Variants in DMD observed in about 807,000 individuals in gnomAD.
DMD encodes dystrophin.
In DMD, 63 loss-of-function variants were observed where a neutral mutation model predicts 330.1. The ratio of observed to expected loss-of-function variants is 0.19; its 90% confidence interval spans 0.16 to 0.24. The LOEUF (loss-of-function observed/expected upper bound fraction) is 0.24. Ranked by LOEUF, DMD falls within the 10% of genes least tolerant of loss-of-function variation. DMD has a pLI of 1.00. For missense variants in DMD, 3,344 were observed against 2,684.1 expected (o/e 1.25, Z -5.43); for synonymous variants, 1,223 against 959.8 (o/e 1.27, Z -5.07).
intron 44 of DMD, among the ~76,000 whole-genome samples, chrX:32,158,896 A>T (rs1032505064): frequency 2.7e-5 from 3 of 111,990 alleles, no homozygotes; most frequent in African/African-American, 9.7e-5. Context: ...CCTATTACAG[A>T]TAACTCTTGG....
At chrX:33,167,928 A>G (rs1207661079) in intron 1 of DMD, among the ~76,000 whole-genome samples, 1 of 111,306 alleles carries the variant, frequency 9.0e-6, no homozygotes, top group Non-Finnish European at 1.9e-5. Flanking sequence ...AAATGAGTTA[A>G]TATTTATAAA....
chrX:33,333,277 A>G (rs1187207100), intron 1 of DMD, among the ~76,000 whole-genome samples: 1 of 111,608 alleles, frequency 9.0e-6, no homozygotes, highest in African/African-American at 3.2e-5. Context: ...ATTCAGAGAT[A>G]TATTAAGAGC....
chrX:31,488,777 T>A (rs1357046661), intron 57 of DMD, among the ~76,000 whole-genome samples: 1 of 111,997 alleles, frequency 8.9e-6, no homozygotes, highest in Non-Finnish European at 1.9e-5. Flanking sequence ...TCAGTTTCGC[T>A]CTTTTTATAG....
intron 53 of DMD, among the ~76,000 whole-genome samples, chrX:31,666,398 A>G (rs182492835): frequency 8.9e-6 from 1 of 112,074 alleles, no homozygotes; most frequent in East Asian, 2.8e-4. Flanking sequence ...CGAGTGACTA[A>G]GCTAAGTAGA....
At position 31,673,002 on chromosome X, in the gene DMD, G is replaced by A. The variant is rs780281367; in HGVS notation, c.7872+6373C>T. On this transcript the variant is annotated intron_variant, in intron 53 of 78. Coordinates refer to ENST00000357033, the MANE Select transcript of DMD (RefSeq NM_004006.3). ...TTTCCTAGAAAGTTATCTCTAAGTC[G>A]GGCCAAATAAAGGCAAGGCCATGTA... Among the ~76,000 whole-genome samples the A allele has an allele frequency of 2.9e-4, 33 of 112,354 alleles. No homozygotes were observed. In the South Asian group the frequency reaches 4.8e-3, roughly 16 times the overall value.
chrX:32,206,350 A>G lies in DMD; in HGVS notation c.6438+10566T>C, dbSNP rs1309321067. The G allele has an allele frequency of 1.5e-5, 8 of 521,552 alleles. No individual in the cohort carries two copies. The African/African-American group carries it at 1.8e-4, about 12-fold the overall frequency. The allele number at this position is 521,552 out of a possible 1,213,427, so 43.0% of individuals were successfully genotyped here. On this transcript the variant is annotated intron_variant, in intron 44 of 78. Coordinates refer to ENST00000357033, the MANE Select transcript of DMD (RefSeq NM_004006.3). ...GGTGGTAGCAAGGTTCCACAGAAAAAAGTAAAACTTGCTGCTGATGAAGAT... is the reference window on the plus strand; with the variant it reads ...GGTGGTAGCAAGGTTCCACAGAAAAGAGTAAAACTTGCTGCTGATGAAGAT...
At chrX:31,248,880 C>G (rs2049078288) in intron 63 of DMD, among the ~76,000 whole-genome samples, 1 of 111,405 alleles carries the variant, frequency 9.0e-6, no homozygotes, top group African/African-American at 3.3e-5. Context: ...TCCCAGCTGG[C>G]CAAAGGTTCC....
chrX:32,617,873 T>C (rs2149365362), intron 11 of DMD, among the ~76,000 whole-genome samples: 1 of 111,724 alleles, frequency 9.0e-6, no homozygotes, highest in East Asian at 2.8e-4. Flanking sequence ...ACCAACTCCA[T>C]AGCAAGAAAA....
intron 21 of DMD, among the ~76,000 whole-genome samples, chrX:32,476,780 C>A (rs1392576036): frequency 1.8e-5 from 2 of 111,743 alleles, no homozygotes; most frequent in Non-Finnish European, 3.8e-5. Context: ...GCCCCACCTA[C>A]TAGCTGGTGA....
intron 32 of DMD, 25 bp downstream of exon 32, chrX:32,389,476 C>A (rs200409477): frequency 1.3e-5 from 16 of 1,204,044 alleles, no homozygotes; most frequent in Non-Finnish European, 1.8e-5. Context: ...GGGGTACCTG[C>A]GTATTTGCCA....
At chrX:32,027,183 C>CACACACACACACACACACACAG (rs774715155) in intron 44 of DMD, among the ~76,000 whole-genome samples, 3 of 97,524 alleles carry the variant, frequency 3.1e-5, no homozygotes, top group Non-Finnish European at 4.1e-5. Context: ...CACACACACA[C>CACACACACACACACACACACAG]AGAGAGAGAG....
chrX:32,469,387 GAAC>G (rs1022853167), intron 22 of DMD, among the ~76,000 whole-genome samples: 9 of 109,446 alleles, frequency 8.2e-5, no homozygotes, highest in East Asian at 2.9e-4. Context: ...AAAAAAACCA[GAAC>G]TACTAGTACT....
Position 31,522,325 on chromosome X carries a change from TTCTC to T in DMD, c.8218-14876_8218-14873del, listed in dbSNP as rs1193302041. ...AGAGACAGAGTGGTAAGATCAAAAT[TTCTC>T]TCTCTCTCTCTCTCTCTCTCTCTCT... On this transcript the variant is annotated intron_variant, in intron 55 of 78. Transcript: ENST00000357033. 2.8e-3 allele frequency among the ~76,000 whole-genome samples: 142 copies of T among 51,315 alleles called. 1 individual carries two copies. The highest frequency in any genetic ancestry group is 0.013 in the South Asian group (9 of 678). The allele number at this position is 51,315 out of a possible 115,157, so 44.6% of individuals were successfully genotyped here.
At chrX:32,776,207 C>G (rs1360152223) in intron 7 of DMD, among the ~76,000 whole-genome samples, 1 of 110,850 alleles carries the variant, frequency 9.0e-6, no homozygotes, top group East Asian at 2.9e-4. Flanking sequence ...GTATCACTAT[C>G]AACATTGTGG....
chrX:33,107,936 A>C (rs747466329), intron 1 of DMD, among the ~76,000 whole-genome samples: 4 of 111,539 alleles, frequency 3.6e-5, no homozygotes, highest in Non-Finnish European at 7.5e-5. Flanking sequence ...TTCTACTGAT[A>C]GATTATGACT....
chrX:31,759,391 C>T (rs1427454972), intron 51 of DMD, among the ~76,000 whole-genome samples: 1 of 110,679 alleles, frequency 9.0e-6, no homozygotes, highest in Non-Finnish European at 1.9e-5. Context: ...TTATAAAATC[C>T]ATTCTATTTC....
At position 31,656,998 on chromosome X, in the gene DMD, T is replaced by C. The variant is rs2080822145; in HGVS notation, c.8027+992A>G. On this transcript the variant is annotated intron_variant, in intron 54 of 78. Transcript: ENST00000357033. The stretch of plus-strand genomic sequence containing the variant: ...CAGTTTCAAAATTTAGTTGGCCGCT[T>C]AATTTCCATATATCATTATCTCATT... Among the ~76,000 whole-genome samples the C allele has an allele frequency of 3.6e-5, 4 of 111,833 alleles. No homozygotes were observed. In the South Asian group the frequency reaches 1.5e-3, roughly 41 times the overall value.
chrX:33,060,939 GTT>G (rs1659904851), intron 1 of DMD, among the ~76,000 whole-genome samples: 1 of 111,274 alleles, frequency 9.0e-6, no homozygotes, highest in Non-Finnish European at 1.9e-5. Context: ...GTTAAACTAA[GTT>G]AAACAATTTT....
Position 32,283,101 on chromosome X carries a change from A to G in DMD, c.6290+4428T>C, listed in dbSNP as rs183981785. Among the ~76,000 whole-genome samples, 693 of 111,670 alleles carry G rather than the reference A, an allele frequency of 6.2e-3. 5 individuals carry two copies. The highest frequency in any genetic ancestry group is 0.012 in the Admixed American group (128 of 10,474). On this transcript the variant is annotated intron_variant, in intron 43 of 78. Coordinates refer to ENST00000357033, the MANE Select transcript of DMD (RefSeq NM_004006.3). ...TACTTTGGTGACTGGTCATGAAAACATGTCACTGACCCTTCATCTTAGGTC... is the reference window on the plus strand; with the variant it reads ...TACTTTGGTGACTGGTCATGAAAACGTGTCACTGACCCTTCATCTTAGGTC...
Sources: gnomAD v4.1 joint callset for allele counts (sites outside exome capture counted in the v4.1 genomes callset) on GRCh38, gnomAD v4.1.1 for gene constraint, MANE v1.5 for transcripts, NCBI Gene and HGNC (gene_info 2026-07-23, HGNC 2026-07-21) for gene names.